The following HAT1 variants were observed in gnomAD, a reference collection of about 807,000 sequenced individuals.
HAT1 encodes histone acetyltransferase type B catalytic subunit.
A neutral mutation model predicts 56.6 loss-of-function variants in HAT1; 20 were observed. The ratio of observed to expected loss-of-function variants is 0.35; its 90% CI spans 0.25 to 0.51. The LOEUF (loss-of-function observed/expected upper bound fraction) is 0.51. Among genes scored for constraint, HAT1 ranks in the 20% least tolerant of loss-of-function variants. The pLI, the probability that HAT1 is intolerant of heterozygous loss-of-function variation, is 0.95. For synonymous variants in HAT1, 146 were observed against 165.5 expected, an observed-to-expected ratio of 0.88 and a Z score of 0.91; for missense variants, 408 against 504.3, an observed-to-expected ratio of 0.81 and a Z score of 1.83.
At chr2:171,960,606 C>T (rs2105331516) in intron 4 of HAT1, among the ~76,000 whole-genome samples, 1 of 152,216 alleles carries the variant, frequency 6.6e-6, no homozygotes, top group South Asian at 2.1e-4. Flanking sequence ...AATTAAGATG[C>T]CTATAAAATC....
chr2:171,924,560 A>G (rs919950299), intron 1 of HAT1: 1 of 152,132 alleles, frequency 6.6e-6, no homozygotes, highest in Non-Finnish European at 1.5e-5. Flanking sequence ...CTTGATAGTG[A>G]TATCTTCCAA....
chr2:171,974,873 AT>A (rs541424252), intron 8 of HAT1, among the ~76,000 whole-genome samples: 1 of 151,820 alleles, frequency 6.6e-6, no homozygotes, highest in Non-Finnish European at 1.5e-5. Context: ...ACATTAATTG[AT>A]TTTTTTTGGA....
intron 3 of HAT1, among the ~76,000 whole-genome samples, chr2:171,948,992 T>C (rs1687236987): frequency 6.6e-6 from 1 of 152,176 alleles, no homozygotes; most frequent in South Asian, 2.1e-4. Flanking sequence ...AGGGAGATAC[T>C]GTGAGACCGA....
At chr2:171,977,549 ATATATATATTTTTT>A (rs1232225773) in intron 9 of HAT1, among the ~76,000 whole-genome samples, 4 of 14,144 alleles carry the variant, frequency 2.8e-4, no homozygotes, top group African/African-American at 6.3e-4. Context: ...ATATATATAT[ATATATATATTTTTT>A]TTTTTTTTTT....
intron 10 of HAT1, among the ~76,000 whole-genome samples, chr2:171,981,300 A>G (rs1688128693): frequency 6.6e-6 from 1 of 152,194 alleles, no homozygotes; most frequent in Non-Finnish European, 1.5e-5. Flanking sequence ...ATTTATATAT[A>G]CTATACCTAT....
intron 4 of HAT1, among the ~76,000 whole-genome samples, chr2:171,959,858 A>G (rs984506130): frequency 1.3e-5 from 2 of 152,246 alleles, no homozygotes; most frequent in Non-Finnish European, 1.5e-5. Flanking sequence ...TTTCTGAATG[A>G]TAAAGGAGGA....
At chr2:171,925,173 A>C (rs1413754827) in intron 1 of HAT1, among the ~76,000 whole-genome samples, 1 of 150,092 alleles carries the variant, frequency 6.7e-6, no homozygotes, top group East Asian at 2.0e-4. Context: ...CCTGGGTTCA[A>C]GAGATTCTCC....
At chr2:171,962,671 G>C (rs2105333038) in intron 4 of HAT1, among the ~76,000 whole-genome samples, 1 of 152,302 alleles carries the variant, frequency 6.6e-6, no homozygotes, top group South Asian at 2.1e-4. Flanking sequence ...TGGGATTATA[G>C]GTGTGAGCCA....
chr2:171,965,154 C>A, intron 4 of HAT1, 184 bp from the exon 5 acceptor site: 3 of 557,246 alleles, frequency 5.4e-6, no homozygotes, highest in Non-Finnish European at 9.7e-6. Context: ...ATGCTCATCT[C>A]AGTTTTGTGT....
chr2:171,972,249 T>C (rs2105341022), intron 8 of HAT1, among the ~76,000 whole-genome samples: 1 of 151,536 alleles, frequency 6.6e-6, no homozygotes, highest in African/African-American at 2.4e-5. Flanking sequence ...TTGTTGTTTT[T>C]TTTTTTGTTT....
At chr2:171,949,592 T>C (rs528524551) in intron 3 of HAT1, among the ~76,000 whole-genome samples, 5 of 151,546 alleles carry the variant, frequency 3.3e-5, no homozygotes, top group African/African-American at 1.2e-4. Context: ...GAGAATTGCC[T>C]GAACCTGGGA....
At chr2:171,978,098 A>G (rs1574070274) in intron 9 of HAT1, among the ~76,000 whole-genome samples, 1 of 133,070 alleles carries the variant, frequency 7.5e-6, no homozygotes, top group African/African-American at 2.9e-5. Context: ...TTGCTCTGTC[A>G]CCTGAGGTGG....
At chr2:171,965,187 C>CTCA (rs1687653990) in intron 4 of HAT1, 151 bp from the exon 5 acceptor site, 1 of 585,640 alleles carries the variant, frequency 1.7e-6, no homozygotes, top group Non-Finnish European at 3.1e-6. Flanking sequence ...GCACAGGAAG[C>CTCA]TCATCCTTTT....
At chr2:171,976,378 A>G in intron 9 of HAT1, 70 bp downstream of exon 9, 1 of 790,326 alleles carries the variant, frequency 1.3e-6, no homozygotes, top group Middle Eastern at 3.7e-4. Context: ...TACCTTAACT[A>G]AAATATTATA....
At chr2:171,966,795 C>A in intron 7 of HAT1, 48 bp from the exon 8 acceptor site, 1 of 874,836 alleles carries the variant, frequency 1.1e-6, no homozygotes, top group Non-Finnish European at 1.9e-6. Context: ...AGGTTTTAAA[C>A]TGGTCATGTT....
At chr2:171,954,472 G>A (rs954337468) in intron 4 of HAT1, among the ~76,000 whole-genome samples, 2 of 152,154 alleles carry the variant, frequency 1.3e-5, no homozygotes, top group Non-Finnish European at 2.9e-5. Flanking sequence ...GATCACCTGA[G>A]GTCAGGAGTT....
At chr2:171,941,222 GT>G (rs1410358581) in intron 2 of HAT1, among the ~76,000 whole-genome samples, 1 of 151,528 alleles carries the variant, frequency 6.6e-6, no homozygotes, top group Non-Finnish European at 1.5e-5. Flanking sequence ...TTGTTGTTTT[GT>G]TTTTTTTGAG....
intron 2 of HAT1, among the ~76,000 whole-genome samples, chr2:171,944,955 T>A (rs1190636258): frequency 2.6e-5 from 4 of 152,114 alleles, no homozygotes; most frequent in Non-Finnish European, 4.4e-5. Context: ...CAATGCAACC[T>A]CCTCCTCCCA....
chr2:171,954,524 A>G (rs1277192115), intron 4 of HAT1, among the ~76,000 whole-genome samples: 2 of 152,146 alleles, frequency 1.3e-5, no homozygotes, highest in African/African-American at 2.4e-5. Context: ...CGTCTCTACT[A>G]AAAATACAAA....
Sources: allele counts gnomAD v4.1 joint callset (sites outside exome capture counted in the v4.1 genomes callset), GRCh38; gene constraint gnomAD v4.1.1; transcripts MANE v1.5; gene names NCBI Gene and HGNC (gene_info 2026-07-23, HGNC 2026-07-21).